Variants in NUMB observed in about 807,000 individuals in gnomAD.
NUMB encodes NUMB endocytic adaptor protein.
A neutral mutation model predicts 59.7 loss-of-function variants in NUMB; 29 were observed. The observed-to-expected ratio is 0.49, with a 90% CI of 0.36 to 0.66. NUMB has a LOEUF of 0.66. Among genes scored for constraint, NUMB ranks in the 30% least tolerant of loss-of-function variants. The pLI, the probability that NUMB is intolerant of heterozygous loss-of-function variation, is 0.00. For missense variants in NUMB, 723 were observed against 822.0 expected, an observed-to-expected ratio of 0.88 and a Z score of 1.47; for synonymous variants, 288 against 288.2, an observed-to-expected ratio of 1.00 and a Z score of 0.01.
intron 6 of NUMB, among the ~76,000 whole-genome samples, chr14:73,312,998 T>A (rs1890860175): frequency 6.6e-6 from 1 of 151,872 alleles, no homozygotes; most frequent in East Asian, 1.9e-4. Context: ...GTCTTTTTTT[T>A]TTTTTTGAGA....
At chr14:73,367,209 G>A (rs1317871082) in intron 2 of NUMB, among the ~76,000 whole-genome samples, 2 of 150,192 alleles carry the variant, frequency 1.3e-5, no homozygotes, top group Admixed American at 1.3e-4. Context: ...TCTCTAATAC[G>A]TGACAAATAA....
rs1491373944 is a variant in NUMB at position 73,395,036 on chromosome 14, T to TG, written c.-101+14900_-101+14901insC. Among the ~76,000 whole-genome samples, 668 of 104,620 alleles carry TG rather than the reference T, an allele frequency of 6.4e-3. 5 individuals are homozygous for TG. The highest frequency in any genetic ancestry group is 7.7e-3 in the Non-Finnish European group (439 of 57,058). The allele number at this position is 104,620 out of a possible 152,430, so 68.6% of individuals were successfully genotyped here. ...TTTAAGGTTGAATAGTATTCGTGTG[T>TG]TTGTGTGTGTGTGTGTGTGTGTGTG... On this transcript the variant is annotated intron_variant, in intron 2 of 12. Coordinates refer to ENST00000555238, the MANE Select transcript of NUMB (RefSeq NM_001005743.2).
Position 73,417,339 on chromosome 14 carries a change from C to A in NUMB, c.-232-7271G>T, listed in dbSNP as rs1019075. Among the ~76,000 whole-genome samples, 1,037 of 151,846 alleles carry A rather than the reference C, an allele frequency of 6.8e-3. 5 individuals are homozygous for A. Among genetic ancestry groups the A allele is most frequent in the South Asian group, 0.03 (143 of 4,816 alleles). On this transcript the variant is annotated intron_variant, in intron 1 of 12. Coordinates refer to ENST00000555238, the MANE Select transcript of NUMB (RefSeq NM_001005743.2). ...ATTAATTGTAACACACTCCTAGACGCTACCATGGGGCTGGAGCCCAAAAGC... is the reference window on the plus strand; with the variant it reads ...ATTAATTGTAACACACTCCTAGACGATACCATGGGGCTGGAGCCCAAAAGC...
At chr14:73,327,428 T>C (rs1224686367) in intron 4 of NUMB, among the ~76,000 whole-genome samples, 1 of 152,094 alleles carries the variant, frequency 6.6e-6, no homozygotes, top group Non-Finnish European at 1.5e-5. Flanking sequence ...AGCTAATTTT[T>C]GTATTTTTAG....
chr14:73,423,273 G>A (rs1897430786), intron 1 of NUMB, among the ~76,000 whole-genome samples: 3 of 151,740 alleles, frequency 2.0e-5, no homozygotes, highest in Admixed American at 2.0e-4. Context: ...GTCAAGGTGG[G>A]TGGATCACCT....
intron 4 of NUMB, among the ~76,000 whole-genome samples, chr14:73,328,274 C>CAA (rs199628671): frequency 0.27 from 34,637 of 130,322 alleles, 4,963 homozygotes; most frequent in East Asian, 0.67. Flanking sequence ...GACTCCATCT[C>CAA]AAAAAAAAAA....
At position 73,445,354 on chromosome 14, in the gene NUMB, C is replaced by CAAAAAAAAAAAAAAAAAAAAAAAAAAA. The variant is rs752154048; in HGVS notation, c.-233+13112_-233+13138dup. 3.5e-5 allele frequency among the ~76,000 whole-genome samples: 2 copies of CAAAAAAAAAAAAAAAAAAAAAAAAAAA among 57,578 alleles called. 1 individual carries two copies. Among genetic ancestry groups the CAAAAAAAAAAAAAAAAAAAAAAAAAAA allele is most frequent in the Non-Finnish European group, 6.5e-5 (2 of 30,718 alleles). 37.8% of individuals were successfully genotyped at this position (57,578 alleles called of 152,430 possible). On this transcript the variant is annotated intron_variant, in intron 1 of 12. Coordinates refer to ENST00000555238, the MANE Select transcript of NUMB (RefSeq NM_001005743.2). Reference sequence around the variant, plus strand: ...TGAGTGACAAAGTGAGACCCTGTCTCAAAAAAAAAAAAAAAAAAAAAAAAA... The same window carrying CAAAAAAAAAAAAAAAAAAAAAAAAAAA: ...TGAGTGACAAAGTGAGACCCTGTCTCAAAAAAAAAAAAAAAAAAAAAAAAAAAAAAAAAAAAAAAAAAAAAAAAAAAA...
At chr14:73,357,903 A>AC (rs1199935259) in intron 3 of NUMB, among the ~76,000 whole-genome samples, 3 of 148,756 alleles carry the variant, frequency 2.0e-5, no homozygotes, top group African/African-American at 7.4e-5. Flanking sequence ...AAAAAAAAAA[A>AC]CCCACCAAAA....
intron 2 of NUMB, among the ~76,000 whole-genome samples, chr14:73,376,742 G>A (rs1431283915): frequency 6.6e-6 from 1 of 152,128 alleles, no homozygotes; most frequent in Non-Finnish European, 1.5e-5. Context: ...GCTGAGTATG[G>A]TGAGTGTGCC....
Position 73,297,233 on chromosome 14 carries a change from C to T in NUMB, c.287G>A (p.Arg96Lys). The change falls in exon 7 of 13, where the codon AGA (arginine) becomes AAA (lysine). Residue 96 changes from arginine (R) to lysine (K), a missense_variant. This residue lies in a region of NUMB where 317 missense variants were observed against 436.6 expected (regional missense o/e 0.73). Transcript: ENST00000555238. ...AVLWVSADGL[R>K]VVDEKTKDLI... ...TACCTTAGTTTTTTCATCCACAACTCTGAGTCCATCTGCTGAGACCCACAG... is the reference window on the plus strand; with the variant it reads ...TACCTTAGTTTTTTCATCCACAACTTTGAGTCCATCTGCTGAGACCCACAG... 6.2e-7 allele frequency: 1 copy of T among 1,608,924 alleles called. No homozygotes were observed. The highest frequency in any genetic ancestry group is 1.3e-5 in the African/African-American group (1 of 74,912).
At chr14:73,353,918 T>C (rs533040730) in intron 4 of NUMB, among the ~76,000 whole-genome samples, 42 of 152,214 alleles carry the variant, frequency 2.8e-4, no homozygotes, top group Middle Eastern at 6.8e-3. Flanking sequence ...AGGATTTTTC[T>C]CATGATTTAA....
chr14:73,323,059 G>T (rs898323883), intron 5 of NUMB, 71 bp downstream of exon 5: 128 of 1,212,034 alleles, frequency 1.1e-4, no homozygotes, highest in Non-Finnish European at 1.5e-4. Flanking sequence ...TCACTAAAAT[G>T]TACTGAGCAA....
At chr14:73,443,875 A>G (rs937436420) in intron 1 of NUMB, among the ~76,000 whole-genome samples, 25 of 151,816 alleles carry the variant, frequency 1.6e-4, no homozygotes, top group Middle Eastern at 3.4e-3. Flanking sequence ...CGAACTCCTG[A>G]GCTCAAGCAA....
intron 1 of NUMB, among the ~76,000 whole-genome samples, chr14:73,446,621 A>C (rs1883530226): frequency 6.6e-6 from 1 of 150,648 alleles, no homozygotes; most frequent in Non-Finnish European, 1.5e-5. Context: ...AAAAAAAAAA[A>C]TCCTTAACAT....
At chr14:73,277,384 A>T in intron 12 of NUMB, 91 bp from the exon 13 acceptor site, 8 of 984,228 alleles carry the variant, frequency 8.1e-6, no homozygotes, top group African/African-American at 1.6e-5. Context: ...CCTAACATGT[A>T]CAACATGTCC....
chr14:73,299,784 G>A (rs1430578083), intron 6 of NUMB, among the ~76,000 whole-genome samples: 3 of 151,954 alleles, frequency 2.0e-5, no homozygotes. Context: ...AGAGCTGCAG[G>A]GCAATAAGAC....
At chr14:73,332,236 G>A (rs1892019988) in intron 4 of NUMB, among the ~76,000 whole-genome samples, 1 of 151,772 alleles carries the variant, frequency 6.6e-6, no homozygotes, top group African/African-American at 2.4e-5. Flanking sequence ...AAAGACTTTA[G>A]CTAATAAATT....
intron 6 of NUMB, among the ~76,000 whole-genome samples, chr14:73,303,397 T>G (rs994663710): frequency 6.6e-6 from 1 of 152,072 alleles, no homozygotes; most frequent in East Asian, 1.9e-4. Context: ...CTGGCCAACA[T>G]GGTGAAACCC....
At chr14:73,292,614 AGTTT>A in intron 8 of NUMB, 116 bp downstream of exon 8, 1 of 879,142 alleles carries the variant, frequency 1.1e-6, no homozygotes, top group Non-Finnish European at 1.7e-6. Context: ...AAAGTAGGCT[AGTTT>A]AGGCACTTCC....
Sources: gnomAD v4.1 joint callset for allele counts (sites outside exome capture counted in the v4.1 genomes callset) on GRCh38, gnomAD v4.1.1 for gene constraint, gnomAD v4.1.1 regional missense constraint, MANE v1.5 for transcripts, NCBI Gene and HGNC (gene_info 2026-07-23, HGNC 2026-07-21) for gene names.